The following CAMK1D variants were observed in gnomAD, a reference collection of about 807,000 sequenced individuals.
CAMK1D encodes calcium/calmodulin dependent protein kinase ID.
A neutral mutation model predicts 47.7 loss-of-function variants in CAMK1D; 9 were observed. That is an observed-to-expected ratio of 0.19 (90% confidence interval 0.11 to 0.33). The LOEUF (loss-of-function observed/expected upper bound fraction) is 0.33, where lower values mean the gene tolerates loss of function less well. CAMK1D is among the 10% of genes least tolerant of loss of function. CAMK1D has a pLI of 1.00. For missense variants in CAMK1D, 291 were observed against 488.7 expected, an observed-to-expected ratio of 0.60 and a Z score of 3.81; for synonymous variants, 184 against 184.9, an observed-to-expected ratio of 0.99 and a Z score of 0.04.
intron 1 of CAMK1D, among the ~76,000 whole-genome samples, chr10:12,403,588 G>T (rs1839308400): frequency 6.6e-6 from 1 of 152,074 alleles, no homozygotes; most frequent in African/African-American, 2.4e-5. Flanking sequence ...ATGCAGAATT[G>T]GTTTTTTAGG....
chr10:12,802,440 C>T (rs1011708871), intron 6 of CAMK1D, among the ~76,000 whole-genome samples: 1 of 152,244 alleles, frequency 6.6e-6, no homozygotes, highest in Non-Finnish European at 1.5e-5. Flanking sequence ...GGCCATTCTC[C>T]TCCCATCTGT....
intron 2 of CAMK1D, among the ~76,000 whole-genome samples, chr10:12,608,927 A>T (rs1490962231): frequency 6.6e-6 from 1 of 152,240 alleles, no homozygotes; most frequent in African/African-American, 2.4e-5. Context: ...GTGCAGGAGT[A>T]AATAGAATAA....
chr10:12,583,614 T>C (rs1285206178), intron 2 of CAMK1D, among the ~76,000 whole-genome samples: 1 of 151,100 alleles, frequency 6.6e-6, no homozygotes, highest in Non-Finnish European at 1.5e-5. Flanking sequence ...TATTTTTTTT[T>C]TTTTTTGAGA....
At chr10:12,513,491 A>C (rs1397572962) in intron 1 of CAMK1D, among the ~76,000 whole-genome samples, 3 of 152,128 alleles carry the variant, frequency 2.0e-5, no homozygotes, top group Non-Finnish European at 4.4e-5. Flanking sequence ...GACTTTATAA[A>C]AAGTACTTAA....
chr10:12,489,896 C>G (rs896999571), intron 1 of CAMK1D, among the ~76,000 whole-genome samples: 27 of 152,124 alleles, frequency 1.8e-4, no homozygotes, highest in African/African-American at 6.3e-4. Context: ...CCAGACGCCC[C>G]GACACCTCCG....
chr10:12,593,682 A>AT (rs532344084), intron 2 of CAMK1D, among the ~76,000 whole-genome samples: 2,689 of 151,996 alleles, frequency 0.018, 70 homozygotes, highest in African/African-American at 0.061. Flanking sequence ...AGCTATTGGA[A>AT]TTTTTTTTTA....
intron 1 of CAMK1D, among the ~76,000 whole-genome samples, chr10:12,533,528 T>C (rs1385988783): frequency 6.6e-6 from 1 of 152,104 alleles, no homozygotes; most frequent in Non-Finnish European, 1.5e-5. Flanking sequence ...CTATTTCTGC[T>C]TTACGGAAAG....
intron 1 of CAMK1D, among the ~76,000 whole-genome samples, chr10:12,393,440 T>C (rs1050066055): frequency 3.3e-5 from 5 of 152,184 alleles, no homozygotes; most frequent in African/African-American, 1.2e-4. Flanking sequence ...GAACTCATAG[T>C]GTTATGGGTG....
rs12253958 is a variant in CAMK1D, at chr10:12,501,084, G to A, written c.93-52141G>A. On this transcript the variant is annotated intron_variant, in intron 1 of 10. Coordinates refer to ENST00000619168, the MANE Select transcript of CAMK1D (RefSeq NM_153498.4). ...GACTCCAAAATCCATCCCCTTTCCC[G>A]TACTCCACCTCGCCCTCAACTCACT... 8.0e-3 allele frequency among the ~76,000 whole-genome samples: 1,210 copies of A among 152,140 alleles called. 9 individuals carry two copies. The highest frequency in any genetic ancestry group is 0.028 in the African/African-American group (1,153 of 41,494).
intron 3 of CAMK1D, among the ~76,000 whole-genome samples, chr10:12,712,233 G>A (rs1833964767): frequency 6.6e-6 from 1 of 152,202 alleles, no homozygotes; most frequent in Non-Finnish European, 1.5e-5. Flanking sequence ...AATAGGAGCT[G>A]ATGTTTTTGG....
intron 2 of CAMK1D, among the ~76,000 whole-genome samples, chr10:12,577,194 C>A (rs1837516967): frequency 1.3e-5 from 2 of 152,202 alleles, no homozygotes; most frequent in South Asian, 4.1e-4. Flanking sequence ...CCAGGACAAG[C>A]CCAGGGGAGG....
chr10:12,504,084 A>C (rs1370039008), intron 1 of CAMK1D, among the ~76,000 whole-genome samples: 1 of 151,880 alleles, frequency 6.6e-6, no homozygotes, highest in African/African-American at 2.4e-5. Flanking sequence ...TGCTCCAGTA[A>C]ACATAAACGG....
chr10:12,805,496 G>A (rs531202610), intron 6 of CAMK1D, among the ~76,000 whole-genome samples: 7 of 150,288 alleles, frequency 4.7e-5, no homozygotes, highest in East Asian at 4.1e-4. Flanking sequence ...TCAGCCTCCC[G>A]AGTAGCTGGG....
intron 1 of CAMK1D, among the ~76,000 whole-genome samples, chr10:12,492,149 G>A (rs1477965120): frequency 6.6e-6 from 1 of 152,018 alleles, no homozygotes; most frequent in Admixed American, 6.6e-5. Context: ...TCTTTGAGAG[G>A]ATGACAGTGG....
chr10:12,366,029 C>G (rs1837823507), intron 1 of CAMK1D, among the ~76,000 whole-genome samples: 1 of 152,236 alleles, frequency 6.6e-6, no homozygotes, highest in Admixed American at 6.5e-5. Context: ...GCACTCCAGT[C>G]TGGGTGACAG....
At chr10:12,450,622 C>T (rs1164117507) in intron 1 of CAMK1D, among the ~76,000 whole-genome samples, 1 of 152,084 alleles carries the variant, frequency 6.6e-6, no homozygotes, top group Admixed American at 6.5e-5. Context: ...TGTGTACTGG[C>T]CAGAGAGAAG....
intron 3 of CAMK1D, among the ~76,000 whole-genome samples, chr10:12,681,886 G>A (rs572261352): frequency 1.3e-5 from 2 of 152,312 alleles, no homozygotes; most frequent in Admixed American, 1.3e-4. Context: ...ACAAAAGAAA[G>A]AAAGAAAACA....
chr10:12,833,150 T>C lies in CAMK1D; in HGVS notation c.*4263T>C, dbSNP rs746199748. ...GCCAAGGCTGGGCTCATAGGAAATATCTGTAGTAGGATGAAAGGAATCTGG... is the reference window on the plus strand; with the variant it reads ...GCCAAGGCTGGGCTCATAGGAAATACCTGTAGTAGGATGAAAGGAATCTGG... On this transcript the variant is annotated 3_prime_UTR_variant, in exon 11 of 11. Coordinates refer to ENST00000619168, the MANE Select transcript of CAMK1D (RefSeq NM_153498.4). The C allele has an allele frequency of 3.9e-5, 6 of 152,416 alleles. No individual in the cohort carries two copies. Among genetic ancestry groups the C allele is most frequent in the Non-Finnish European group, 7.3e-5 (5 of 68,250 alleles). 9.4% of individuals were successfully genotyped at this position (152,416 alleles called of 1,614,324 possible).
At chr10:12,672,411 G>A (rs1331623823) in intron 3 of CAMK1D, among the ~76,000 whole-genome samples, 3 of 151,644 alleles carry the variant, frequency 2.0e-5, no homozygotes, top group Non-Finnish European at 2.9e-5. Flanking sequence ...CTCTGTCGCC[G>A]AGGCCTGAGT....
Sources: gnomAD v4.1 joint callset for allele counts (sites outside exome capture counted in the v4.1 genomes callset) on GRCh38, gnomAD v4.1.1 for gene constraint, MANE v1.5 for transcripts, NCBI Gene and HGNC (gene_info 2026-07-23, HGNC 2026-07-21) for gene names.